SLAMF6: variants seen among roughly 807,000 people sequenced by gnomAD.
SLAMF6 encodes the protein NK-T-B-antigen.
SLAMF6 carries 21 observed loss-of-function variants against 38.3 expected under a neutral mutation model. The observed-to-expected ratio is 0.55, with a 90% confidence interval of 0.39 to 0.79. The LOEUF (loss-of-function observed/expected upper bound fraction) is 0.79. Ranked by LOEUF, SLAMF6 falls within the 30% of genes least tolerant of loss-of-function variation. The probability of loss-of-function intolerance (pLI) is 0.00; values close to 1 mark genes in which losing one functional copy is unlikely to be tolerated. For missense variants in SLAMF6, 341 were observed against 385.3 expected (o/e 0.89, Z 0.96); for synonymous variants, 152 against 146.3 (o/e 1.04, Z -0.28).
intron 2 of SLAMF6, among the ~76,000 whole-genome samples, chr1:160,493,286 C>T (rs1019235130): frequency 2.0e-5 from 3 of 152,102 alleles, no homozygotes; most frequent in Non-Finnish European, 2.9e-5. Flanking sequence ...CAGTTATCTG[C>T]GTGGCACACT....
In SLAMF6 at chr1:160,489,086, AC is replaced by A; in HGVS notation, c.879+1del. 6.2e-7 allele frequency: 1 copy of A among 1,611,802 alleles called. No homozygotes were observed. The highest frequency in any genetic ancestry group is 8.5e-7 in the Non-Finnish European group (1 of 1,178,068). On this transcript the variant is annotated splice_donor_variant, in intron 6 of 7. Transcript: ENST00000368057. LOFTEE classifies it high-confidence loss of function. ...ATGGCATATAAAGCTGAAAAGACTC[AC>A]CCTGTTTGAATGAGTGACTGAAGCA...
intron 1 of SLAMF6, among the ~76,000 whole-genome samples, chr1:160,508,362 A>G (rs536161042): frequency 6.6e-6 from 1 of 152,328 alleles, no homozygotes; most frequent in South Asian, 2.1e-4. Context: ...CCACACATCT[A>G]CAACCATCTG....
rs1652910289 is a variant in SLAMF6, at chr1:160,485,290, T to G, written c.*1417A>C. The G allele has an allele frequency of 6.6e-6, 1 of 152,150 alleles. No individual in the cohort carries two copies. Among genetic ancestry groups the G allele is most frequent in the African/African-American group, 2.4e-5 (1 of 41,414 alleles). 9.4% of individuals were successfully genotyped at this position (152,150 alleles called of 1,614,324 possible). ...CTGGTCTTGAACTCCTGACCTCAAG[T>G]GATCTCCCCCCTTGGCCTCCCAAAG... On this transcript the variant is annotated 3_prime_UTR_variant, in exon 8 of 8. Transcript: ENST00000368057.
chr1:160,512,878 C>A (rs1249878516), intron 1 of SLAMF6, among the ~76,000 whole-genome samples: 1 of 152,044 alleles, frequency 6.6e-6, no homozygotes, highest in African/African-American at 2.4e-5. Flanking sequence ...ACTCAAAGAT[C>A]AAAGCTAGAT....
chr1:160,503,494 C>A (rs897150991), intron 1 of SLAMF6, among the ~76,000 whole-genome samples: 1 of 152,024 alleles, frequency 6.6e-6, no homozygotes, highest in African/African-American at 2.4e-5. Context: ...AGCCCAGGAA[C>A]AGGGAAAGAA....
intron 1 of SLAMF6, among the ~76,000 whole-genome samples, chr1:160,517,748 C>T (rs1654813183): frequency 6.6e-6 from 1 of 152,096 alleles, no homozygotes; most frequent in Non-Finnish European, 1.5e-5. Flanking sequence ...CAAACTCATA[C>T]AAGAACAGAA....
chr1:160,513,736 C>T (rs546081391), intron 1 of SLAMF6, among the ~76,000 whole-genome samples: 1 of 152,270 alleles, frequency 6.6e-6, no homozygotes, highest in East Asian at 1.9e-4. Context: ...GAATTTTCAA[C>T]CCAGAATCTC....
At chr1:160,521,414 GAGA>G (rs922731260) in intron 1 of SLAMF6, among the ~76,000 whole-genome samples, 1 of 152,102 alleles carries the variant, frequency 6.6e-6, no homozygotes, top group African/African-American at 2.4e-5. Flanking sequence ...TGGAAATAGG[GAGA>G]AGAAGAGGAG....
At chr1:160,511,621 A>G (rs1342720448) in intron 1 of SLAMF6, among the ~76,000 whole-genome samples, 1 of 152,194 alleles carries the variant, frequency 6.6e-6, no homozygotes, top group Non-Finnish European at 1.5e-5. Context: ...TTAGAAGAAA[A>G]CATAATGATA....
Position 160,490,564 on chromosome 1 carries a change from A to C in SLAMF6, c.757+11T>G. Reference sequence around the variant, plus strand: ...TTGGAGAAGAGACAAGTAGGAAGAAAGGAAACCTGCCTCTTCTTTTCCTCA... The same window carrying C: ...TTGGAGAAGAGACAAGTAGGAAGAACGGAAACCTGCCTCTTCTTTTCCTCA... On this transcript the variant is annotated intron_variant, in intron 4 of 7. Transcript: ENST00000368057. 1 of 1,610,008 alleles carries C rather than the reference A, an allele frequency of 6.2e-7. No homozygotes were observed. The highest frequency in any genetic ancestry group is 8.5e-7 in the Non-Finnish European group (1 of 1,178,896).
At chr1:160,502,234 G>A (rs969157615) in intron 1 of SLAMF6, among the ~76,000 whole-genome samples, 2 of 152,174 alleles carry the variant, frequency 1.3e-5, no homozygotes, top group Non-Finnish European at 2.9e-5. Flanking sequence ...TGGGGGACTA[G>A]AACCAGAAAA....
At position 160,485,329 on chromosome 1, in the gene SLAMF6, G is replaced by C. The variant is rs1652913141; in HGVS notation, c.*1378C>G. 6.6e-6 allele frequency: 1 copy of C among 152,228 alleles called. No individual in the cohort carries two copies. The highest frequency in any genetic ancestry group is 1.5e-5 in the Non-Finnish European group (1 of 68,072). The allele number at this position is 152,228 out of a possible 1,614,324, so 9.4% of individuals were successfully genotyped here. ...GGCCTCCCAAAGTACAGGGATTACAGGTGTGAGCCACCATGCCCAGCCTAG... is the reference window on the plus strand; with the variant it reads ...GGCCTCCCAAAGTACAGGGATTACACGTGTGAGCCACCATGCCCAGCCTAG... On this transcript the variant is annotated 3_prime_UTR_variant, in exon 8 of 8. Coordinates refer to ENST00000368057, the MANE Select transcript of SLAMF6 (RefSeq NM_001184714.2).
intron 7 of SLAMF6, 147 bp from the exon 8 acceptor site, chr1:160,486,901 T>C: frequency 9.7e-7 from 1 of 1,033,178 alleles, no homozygotes; most frequent in Non-Finnish European, 1.4e-6. Flanking sequence ...TTTAAAAACA[T>C]GTAATTGAAA....
chr1:160,510,758 A>G (rs1166545640), intron 1 of SLAMF6, among the ~76,000 whole-genome samples: 1 of 152,226 alleles, frequency 6.6e-6, no homozygotes, highest in Non-Finnish European at 1.5e-5. Context: ...AAGAAAAATA[A>G]ATAAAATGCA....
At chr1:160,504,935 A>C (rs1450008364) in intron 1 of SLAMF6, among the ~76,000 whole-genome samples, 1 of 152,208 alleles carries the variant, frequency 6.6e-6, no homozygotes, top group Non-Finnish European at 1.5e-5. Context: ...GCTGGGTACA[A>C]GAAGAAAGTC....
chr1:160,522,080 T>C (rs1655008120), intron 1 of SLAMF6, among the ~76,000 whole-genome samples: 1 of 152,212 alleles, frequency 6.6e-6, no homozygotes, highest in Admixed American at 6.5e-5. Flanking sequence ...CCAATTACTC[T>C]ACTTAACTCC....
At chr1:160,517,863 T>C (rs183749291) in intron 1 of SLAMF6, among the ~76,000 whole-genome samples, 16 of 149,338 alleles carry the variant, frequency 1.1e-4, no homozygotes, top group African/African-American at 3.7e-4. Context: ...GGGAGTGGGG[T>C]TGGGGGAGGG....
chr1:160,496,001 G>A, intron 2 of SLAMF6, 60 bp downstream of exon 2: 1 of 1,462,610 alleles, frequency 6.8e-7, no homozygotes, highest in Non-Finnish European at 9.4e-7. Flanking sequence ...AGTCACATAG[G>A]ATTGGAATAC....
intron 1 of SLAMF6, among the ~76,000 whole-genome samples, chr1:160,511,939 G>A (rs1353436806): frequency 6.6e-6 from 1 of 152,102 alleles, no homozygotes; most frequent in Non-Finnish European, 1.5e-5. Flanking sequence ...CAAGGGAAGT[G>A]GTGAGTGATT....
Sources: allele counts gnomAD v4.1 joint callset (sites outside exome capture counted in the v4.1 genomes callset), GRCh38; gene constraint gnomAD v4.1.1; transcripts MANE v1.5; gene names NCBI Gene and HGNC (gene_info 2026-07-23, HGNC 2026-07-21).